The following DMD variants were observed in gnomAD, a reference collection of about 807,000 sequenced individuals.
DMD encodes mutant dystrophin.
DMD carries 63 observed loss-of-function variants against 330.1 expected under a neutral mutation model. The ratio of observed to expected loss-of-function variants is 0.19; its 90% CI spans 0.16 to 0.24. The LOEUF (loss-of-function observed/expected upper bound fraction) is 0.24, where lower values mean the gene tolerates loss of function less well. Among genes scored for constraint, DMD ranks in the 10% least tolerant of loss-of-function variants. The pLI is 1.00. For synonymous variants in DMD, 1,223 were observed against 959.8 expected (o/e 1.27, Z -5.07); for missense variants, 3,344 against 2,684.1 (o/e 1.25, Z -5.43).
chrX:32,365,853 T>C (rs2097852609), intron 34 of DMD, among the ~76,000 whole-genome samples: 1 of 112,072 alleles, frequency 8.9e-6, no homozygotes, highest in Admixed American at 9.5e-5. Context: ...ATAACTGGTA[T>C]TTTTAAGTAT....
At chrX:33,188,110 G>A (rs1005956058) in intron 1 of DMD, among the ~76,000 whole-genome samples, 4 of 110,647 alleles carry the variant, frequency 3.6e-5, no homozygotes, top group African/African-American at 1.3e-4. Context: ...TATATAATGA[G>A]GAAATGGAAA....
At chrX:33,000,983 C>G (rs771154957) in intron 2 of DMD, among the ~76,000 whole-genome samples, 1 of 110,983 alleles carries the variant, frequency 9.0e-6, no homozygotes, top group Non-Finnish European at 1.9e-5. Flanking sequence ...ATTTACTGTG[C>G]GCTAGGCACT....
chrX:32,539,296 AG>A (rs1383511697), intron 17 of DMD, among the ~76,000 whole-genome samples: 1 of 110,375 alleles, frequency 9.1e-6, no homozygotes, highest in East Asian at 2.9e-4. Flanking sequence ...GAATGGATTT[AG>A]GAGAGTCAGC....
At chrX:31,951,082 G>GAGAT (rs199594142) in intron 45 of DMD, among the ~76,000 whole-genome samples, 1,249 of 95,409 alleles carry the variant, frequency 0.013, 26 homozygotes, top group African/African-American at 0.046. Context: ...TAATATCTTG[G>GAGAT]AGATAGGACC....
intron 18 of DMD, chrX:32,517,639 T>C: frequency 4.4e-6 from 1 of 229,577 alleles, no homozygotes; most frequent in Non-Finnish European, 7.8e-6. Context: ...TATTCTATTC[T>C]ATTTTACTCT....
intron 1 of DMD, among the ~76,000 whole-genome samples, chrX:33,177,558 G>T (rs750008892): frequency 9.1e-6 from 1 of 110,200 alleles, no homozygotes; most frequent in East Asian, 2.9e-4. Context: ...CTAATTTTTT[G>T]TATTTTTAGT....
chrX:32,333,075 T>TG (rs2097688958), intron 41 of DMD, among the ~76,000 whole-genome samples: 1 of 111,906 alleles, frequency 8.9e-6, no homozygotes, highest in Non-Finnish European at 1.9e-5. Context: ...GTAAACTGGA[T>TG]GAAAAACTTA....
At chrX:31,985,166 C>T (rs62587743) in intron 44 of DMD, among the ~76,000 whole-genome samples, 22,385 of 111,404 alleles carry the variant, frequency 0.2, 1,965 homozygotes, top group South Asian at 0.33. Context: ...AGAAGAACCA[C>T]TTATAAACAT....
At chrX:31,845,377 CT>C (rs2093401847) in intron 48 of DMD, among the ~76,000 whole-genome samples, 2 of 28,248 alleles carry the variant, frequency 7.1e-5, no homozygotes, top group African/African-American at 7.0e-4. Context: ...AGAATAAAGT[CT>C]CTCTCTCTCT....
intron 2 of DMD, among the ~76,000 whole-genome samples, chrX:33,012,924 A>G (rs1421054622): frequency 9.0e-6 from 1 of 111,069 alleles, no homozygotes; most frequent in East Asian, 2.8e-4. Context: ...CAACTAAAAA[A>G]CTTCCTAAAC....
chrX:31,774,750 A>T (rs770728203), intron 50 of DMD, among the ~76,000 whole-genome samples: 3 of 111,935 alleles, frequency 2.7e-5, no homozygotes, highest in Non-Finnish European at 5.6e-5. Flanking sequence ...GCAGTTTATC[A>T]TATTTTTTTC....
intron 41 of DMD, among the ~76,000 whole-genome samples, chrX:32,315,723 C>T (rs1273454237): frequency 9.0e-6 from 1 of 110,937 alleles, no homozygotes; most frequent in Non-Finnish European, 1.9e-5. Context: ...TCCACCTGAC[C>T]CCATGTGTCT....
intron 49 of DMD, among the ~76,000 whole-genome samples, chrX:31,822,999 G>A (rs1461485762): frequency 1.2e-5 from 1 of 80,499 alleles, no homozygotes; most frequent in African/African-American, 5.5e-5. Context: ...TTGATTTTAC[G>A]TGCCCACCCT....
intron 11 of DMD, among the ~76,000 whole-genome samples, chrX:32,624,639 A>T (rs1460492090): frequency 1.8e-5 from 2 of 111,555 alleles, no homozygotes; most frequent in Admixed American, 9.5e-5. Context: ...TGCATTTCTA[A>T]CAACTGCCCA....
At chrX:31,191,191 ATG>A (rs34438085) in intron 67 of DMD, among the ~76,000 whole-genome samples, 26,931 of 106,895 alleles carry the variant, frequency 0.25, 2,571 homozygotes, top group Admixed American at 0.29. Context: ...TACAATGTGT[ATG>A]TGTGTGTGTG....
chrX:31,335,168 C>T (rs1173803121), intron 61 of DMD, among the ~76,000 whole-genome samples: 4 of 112,231 alleles, frequency 3.6e-5, no homozygotes, highest in African/African-American at 9.7e-5. Flanking sequence ...CTGCCGTTTC[C>T]CCAGTTCCTA....
chrX:32,820,095 A>C (rs1337540732), intron 5 of DMD, among the ~76,000 whole-genome samples: 6 of 111,920 alleles, frequency 5.4e-5, no homozygotes, highest in Non-Finnish European at 1.1e-4. Flanking sequence ...GAAAGATTTA[A>C]AAAGCATTCC....
intron 1 of DMD, among the ~76,000 whole-genome samples, chrX:33,113,894 C>T (rs184547046): frequency 1.0e-3 from 115 of 110,192 alleles, no homozygotes; most frequent in African/African-American, 3.7e-3. Context: ...GACACTTCCA[C>T]GGGTAGATGA....
At chrX:32,097,649 C>A (rs938441547) in intron 44 of DMD, among the ~76,000 whole-genome samples, 1 of 111,978 alleles carries the variant, frequency 8.9e-6, no homozygotes, top group African/African-American at 3.2e-5. Context: ...ATTCTAAATA[C>A]AACATGTATA....
Sources: gnomAD v4.1 joint callset for allele counts (sites outside exome capture counted in the v4.1 genomes callset) on GRCh38, gnomAD v4.1.1 for gene constraint, MANE v1.5 for transcripts, NCBI Gene and HGNC (gene_info 2026-07-23, HGNC 2026-07-21) for gene names.